KYAT3: variants seen among roughly 807,000 people sequenced by gnomAD.
KYAT3 encodes kynurenine aminotransferase 3.
In KYAT3, 50 loss-of-function variants were observed where a neutral mutation model predicts 59.0. The ratio of observed to expected loss-of-function variants is 0.85; its 90% CI spans 0.68 to 1.07. The LOEUF is 1.07. Ranked by LOEUF, KYAT3 falls within the 50% of genes least tolerant of loss-of-function variation. KYAT3 has a pLI of 0.00. For synonymous variants in KYAT3, 148 were observed against 177.0 expected (o/e 0.84, Z 1.30); for missense variants, 497 against 533.3 (o/e 0.93, Z 0.67).
chr1:88,973,995 C>A (rs1239234484), intron 2 of KYAT3, among the ~76,000 whole-genome samples: 1 of 152,100 alleles, frequency 6.6e-6, no homozygotes, highest in Non-Finnish European at 1.5e-5. Flanking sequence ...ATCAAGTCTT[C>A]ATCCAGAGAA....
At chr1:88,959,250 T>G (rs1406381978) in intron 8 of KYAT3, among the ~76,000 whole-genome samples, 1 of 150,868 alleles carries the variant, frequency 6.6e-6, no homozygotes, top group Non-Finnish European at 1.5e-5. Flanking sequence ...CACTCCAGCC[T>G]GGGTGACACA....
chr1:88,975,757 G>A (rs543441086), intron 2 of KYAT3, among the ~76,000 whole-genome samples: 5 of 152,328 alleles, frequency 3.3e-5, no homozygotes, highest in East Asian at 1.9e-4. Flanking sequence ...GGAGCAGGCC[G>A]AGCATGGTGG....
intron 4 of KYAT3, 87 bp from the exon 5 acceptor site, chr1:88,965,065 T>C: frequency 1.9e-6 from 2 of 1,063,290 alleles, no homozygotes. Flanking sequence ...TGTAAGAATT[T>C]TTAAAATTTG....
intron 2 of KYAT3, among the ~76,000 whole-genome samples, chr1:88,975,358 A>G (rs746544291): frequency 3.9e-5 from 6 of 152,128 alleles, no homozygotes; most frequent in African/African-American, 1.2e-4. Context: ...TCACCACGTT[A>G]GCCAGGATGG....
intron 13 of KYAT3, among the ~76,000 whole-genome samples, chr1:88,940,947 C>A (rs569611018): frequency 6.6e-6 from 1 of 152,322 alleles, no homozygotes; most frequent in Non-Finnish European, 1.5e-5. Context: ...TAGGGATCTT[C>A]CCTCTACCAT....
At chr1:88,974,467 C>A (rs971166543) in intron 2 of KYAT3, among the ~76,000 whole-genome samples, 2 of 129,294 alleles carry the variant, frequency 1.5e-5, no homozygotes, top group Non-Finnish European at 3.2e-5. Flanking sequence ...TGGTGTCTCT[C>A]TCTTTTTTTT....
chr1:88,944,001 C>T (rs138219781), intron 11 of KYAT3, among the ~76,000 whole-genome samples: 159 of 152,248 alleles, frequency 1.0e-3, no homozygotes, highest in African/African-American at 3.7e-3. Context: ...AAATGCTACT[C>T]TTATTTTTCA....
At chr1:88,967,360 C>T (rs1275255674) in intron 4 of KYAT3, among the ~76,000 whole-genome samples, 3 of 151,940 alleles carry the variant, frequency 2.0e-5, no homozygotes, top group South Asian at 2.1e-4. Flanking sequence ...TCATCCTGCT[C>T]CACTTTCTGA....
intron 1 of KYAT3, among the ~76,000 whole-genome samples, chr1:88,992,008 T>C (rs938579781): frequency 1.4e-5 from 2 of 146,994 alleles, no homozygotes; most frequent in Non-Finnish European, 3.0e-5. Context: ...AGACGGAGTC[T>C]TGCTCTGTCG....
chr1:88,991,871 T>C (rs1677816420), intron 1 of KYAT3, among the ~76,000 whole-genome samples: 2 of 152,244 alleles, frequency 1.3e-5, no homozygotes, highest in South Asian at 4.1e-4. Context: ...AGGAAGGATT[T>C]CTGCGCCACT....
intron 8 of KYAT3, 65 bp from the exon 9 acceptor site, chr1:88,955,290 A>G: frequency 1.1e-6 from 1 of 918,968 alleles, no homozygotes. Flanking sequence ...TATAATCTAA[A>G]AACATAACAA....
At chr1:88,925,564 T>C in the KYAT3 span, among the ~76,000 whole-genome samples, 1 of 152,106 alleles carries the variant, frequency 6.6e-6, no homozygotes, top group Non-Finnish European at 1.5e-5. Context: ...GCTCTCGATA[T>C]GGGCAGTTAT....
At chr1:88,947,346 G>A (rs1675483865) in intron 11 of KYAT3, among the ~76,000 whole-genome samples, 1 of 152,230 alleles carries the variant, frequency 6.6e-6, no homozygotes, top group Admixed American at 6.5e-5. Flanking sequence ...CCTGCTGGTT[G>A]AGTGTGTATA....
At position 88,937,401 on chromosome 1, in the gene KYAT3, A is replaced by C. The variant is rs573271657; in HGVS notation, c.1303-1156T>G. 7.9e-5 allele frequency among the ~76,000 whole-genome samples: 12 copies of C among 152,316 alleles called. 2 individuals carry two copies. The highest frequency in any genetic ancestry group is 2.9e-4 in the African/African-American group (12 of 41,562). Reference sequence around the variant, plus strand: ...GGCTTTGACAGGAGATTGATCCCATACAGAAGTATTGATTAAATTAGTAGT... The same window carrying C: ...GGCTTTGACAGGAGATTGATCCCATCCAGAAGTATTGATTAAATTAGTAGT... On this transcript the variant is annotated intron_variant, in intron 13 of 13. Coordinates refer to ENST00000260508, the MANE Select transcript of KYAT3 (RefSeq NM_001008661.3).
Position 88,964,902 on chromosome 1 carries a change from T to A in KYAT3, c.380A>T (p.Glu127Val). The A allele has an allele frequency of 6.2e-7, 1 of 1,609,962 alleles. No individual in the cohort carries two copies. Among genetic ancestry groups the A allele is most frequent in the South Asian group, 1.1e-5 (1 of 89,902 alleles). Residue 127 changes from glutamate (E) to valine (V), a missense_variant, in exon 5 of 14, where the codon GAA becomes GTA. Physicochemically the swap from Glu to Val is moderately radical, Grantham distance 121. This residue lies in a region of KYAT3 where 469 missense variants were observed against 479.1 expected (regional missense o/e 0.98). Transcript: ENST00000260508. ...ATATGCTCCTACTGTCACAAGGATT[T>A]CTTTATTTGAATCAATTTGCTTTTG... ...LYQKQIDSNK[E>V]ILVTVGAYGS...
chr1:88,984,414 T>C lies in KYAT3; in HGVS notation c.99+3838A>G, dbSNP rs576954540. Among the ~76,000 whole-genome samples, 5 of 152,252 alleles carry C rather than the reference T, an allele frequency of 3.3e-5. No homozygotes were observed. In the South Asian group the frequency reaches 1.0e-3, roughly 32 times the overall value. The stretch of plus-strand genomic sequence containing the variant: ...ATTTTAGTAGAGCAGGGTTTCACCA[T>C]GTTGGCCATGCTGGTATGGAACTCC... On this transcript the variant is annotated intron_variant, in intron 2 of 13. Coordinates refer to ENST00000260508, the MANE Select transcript of KYAT3 (RefSeq NM_001008661.3).
chr1:88,947,508 C>A (rs536644896), intron 11 of KYAT3, among the ~76,000 whole-genome samples: 1 of 152,306 alleles, frequency 6.6e-6, no homozygotes, highest in African/African-American at 2.4e-5. Flanking sequence ...ATGAGAGCCA[C>A]AAGGATGTCT....
At chr1:88,928,555 T>C in the KYAT3 span, among the ~76,000 whole-genome samples, 11 of 152,152 alleles carry the variant, frequency 7.2e-5, 1 homozygote, top group Admixed American at 3.3e-4. Context: ...CCCTCGTCCA[T>C]GCCCCTTATG....
intron 13 of KYAT3, 34 bp from the exon 14 acceptor site, chr1:88,936,279 G>T (rs371809666): frequency 1.3e-5 from 18 of 1,379,868 alleles, no homozygotes; most frequent in Non-Finnish European, 2.0e-6. Context: ...CATTATTACA[G>T]ATATACATAA....
Sources: gnomAD v4.1 joint callset for allele counts (sites outside exome capture counted in the v4.1 genomes callset) on GRCh38, gnomAD v4.1.1 for gene constraint, gnomAD v4.1.1 regional missense constraint, MANE v1.5 for transcripts, NCBI Gene and HGNC (gene_info 2026-07-23, HGNC 2026-07-21) for gene names.